The following RNF39 variants were observed in gnomAD, a reference collection of about 807,000 sequenced individuals.
RNF39 encodes ring finger protein 39, also known as LTP (long-term potentiation) induced RING finger protein.
Under a neutral mutation model 29.2 loss-of-function variants are expected in RNF39, and 25 were observed. The ratio of observed to expected loss-of-function variants is 0.86; its 90% confidence interval spans 0.62 to 1.20. RNF39 has a LOEUF of 1.20. Ranked by LOEUF, RNF39 falls within the 50% of genes most tolerant of loss-of-function variation. RNF39 has a pLI of 0.00. For synonymous variants in RNF39, 219 were observed against 229.0 expected (o/e 0.96, Z 0.40); for missense variants, 519 against 515.0 (o/e 1.01, Z -0.08).
At chr6:30,075,181 C>T (rs771412158) in intron 1 of RNF39, 42 bp downstream of exon 1, 2 of 1,523,768 alleles carry the variant, frequency 1.3e-6, no homozygotes, top group East Asian at 5.0e-5. Context: ...CCGGGAACCT[C>T]CCGCTTCCAC....
intron 1 of RNF39, 148 bp from the exon 2 acceptor site, chr6:30,073,626 C>G (rs1214646284): frequency 1.3e-6 from 1 of 772,610 alleles, no homozygotes; most frequent in Admixed American, 2.7e-5. Flanking sequence ...TCTTTACACA[C>G]TGTGCTCCTT....
intron 1 of RNF39, 40 bp downstream of exon 1, chr6:30,075,183 C>G: frequency 6.6e-7 from 1 of 1,526,686 alleles, no homozygotes; most frequent in Non-Finnish European, 8.7e-7. Flanking sequence ...GGGAACCTCC[C>G]GCTTCCACCA....
In RNF39 at chr6:30,071,676, T is replaced by A. The variant is rs1765999589; in HGVS notation, c.494A>T (p.Asp165Val). The change falls in exon 4 of 4, where the codon GAC becomes GTC. Residue 165 changes from aspartate (D) to valine (V), a missense_variant. Transcript: ENST00000244360. This position sits in a 1 kb window ranked among gnomAD's most constrained non-coding sequence, Gnocchi z 5.0. ...CAGGCGGCGGTGTGCGGTCCCAGGG[T>A]CCAGGGTCAGGTCGGCTGGAGACGG... ...LHRLTADLTL[D>V]PGTAHRRLLI... The A allele has an allele frequency of 7.1e-7, 1 of 1,414,226 alleles. No individual in the cohort carries two copies. Among genetic ancestry groups the A allele is most frequent in the African/African-American group, 1.5e-5 (1 of 66,372 alleles). The allele number at this position is 1,414,226 out of a possible 1,614,324, so 87.6% of individuals were successfully genotyped here. A position where few individuals can be genotyped will look rare whatever the true frequency, so the allele number is the denominator to read the frequency against.
intron 1 of RNF39, 74 bp from the exon 2 acceptor site, chr6:30,073,552 C>T (rs1461780753): frequency 6.4e-7 from 1 of 1,553,804 alleles, no homozygotes; most frequent in East Asian, 2.2e-5. Context: ...CTATCTCTCC[C>T]CTCCTCAGGT....
intron 3 of RNF39, 117 bp downstream of exon 3, chr6:30,073,040 G>T: frequency 1.4e-6 from 1 of 735,530 alleles, no homozygotes; most frequent in Non-Finnish European, 2.4e-6. Flanking sequence ...CATTAGAGCA[G>T]TACTAGGAAA....
Position 30,075,370 on chromosome 6 carries a change from GC to G in RNF39, c.215del (p.Arg72ProfsTer4). On this transcript the variant is annotated frameshift_variant, in exon 1 of 4. Transcript: ENST00000244360. LOFTEE classifies it high-confidence loss of function. ...ACPCCGLPCPRRSLRSNVRLA... is the reference protein window; with the variant it reads ...ACPCCGLPCPXRSLRSNVRLA... ...GCCGCACATTAGACCTCAGGCTGCG[GC>G]GGGGACACGGCAGGCCGCAGCAGGG... 1 of 1,575,928 alleles carries G rather than the reference GC, an allele frequency of 6.3e-7. No homozygotes were observed. The highest frequency in any genetic ancestry group is 1.1e-5 in the South Asian group (1 of 87,526).
At chr6:30,073,613 A>C in intron 1 of RNF39, 135 bp from the exon 2 acceptor site, 2 of 826,788 alleles carry the variant, frequency 2.4e-6, no homozygotes, top group Non-Finnish European at 3.9e-6. Flanking sequence ...GAGTGATCTC[A>C]CCTCTTTACA....
Position 30,075,270 on chromosome 6 carries a change from G to C in RNF39, c.316C>G (p.Arg106Gly). ...AEPGARAGRR[R>G]GGRIPTMGCL... ...CCCATGGTGGGGATGCGCCCCCCTC[G>C]GCGTCTCCCCGCACGGGCCCCAGGC... The change falls in exon 1 of 4, where the codon CGA (arginine) becomes GGA (glycine). Residue 106 changes from arginine (R) to glycine (G), a missense_variant. Coordinates refer to ENST00000244360, the MANE Select transcript of RNF39 (RefSeq NM_025236.4). 1 of 1,599,244 alleles carries C rather than the reference G, an allele frequency of 6.3e-7. No homozygotes were observed. Among genetic ancestry groups the C allele is most frequent in the Non-Finnish European group, 8.5e-7 (1 of 1,176,470 alleles).
At position 30,074,692 on chromosome 6, in the gene RNF39, T is replaced by G. The variant is rs1292766984; in HGVS notation, c.363+531A>C. On this transcript the variant is annotated intron_variant, in intron 1 of 3. Coordinates refer to ENST00000244360, the MANE Select transcript of RNF39 (RefSeq NM_025236.4). This position sits in a 1 kb window ranked among gnomAD's most constrained non-coding sequence, Gnocchi z 4.1. ...GTCAGTCCCCTCCTCCCCAGCTTTT[T>G]CTCCGCCCCCAACCCACCAGCCCAG... 6.6e-6 allele frequency among the ~76,000 whole-genome samples: 1 copy of G among 151,734 alleles called. No homozygotes were observed. Among genetic ancestry groups the G allele is most frequent in the African/African-American group, 2.4e-5 (1 of 41,282 alleles).
In RNF39 at chr6:30,070,885, G is replaced by A. The variant is rs527508261; in HGVS notation, c.*226C>T. 1.4e-6 allele frequency: 1 copy of A among 701,050 alleles called. No homozygotes were observed. Among genetic ancestry groups the A allele is most frequent in the East Asian group, 2.7e-5 (1 of 37,114 alleles). 43.4% of individuals were successfully genotyped at this position (701,050 alleles called of 1,614,324 possible). Reference sequence around the variant, plus strand: ...AGTACTGTAGTAGCTGTAGGGGAGAGAAGATTCTGAGAGCCAGAAGGCAGG... The same window carrying A: ...AGTACTGTAGTAGCTGTAGGGGAGAAAAGATTCTGAGAGCCAGAAGGCAGG... On this transcript the variant is annotated 3_prime_UTR_variant, in exon 4 of 4. Transcript: ENST00000244360.
At position 30,072,160 on chromosome 6, in the gene RNF39, C is replaced by T. The variant is rs960628509; in HGVS notation, c.479-469G>A. 1.3e-5 allele frequency among the ~76,000 whole-genome samples: 2 copies of T among 151,986 alleles called. No individual in the cohort carries two copies. Among genetic ancestry groups the T allele is most frequent in the African/African-American group, 4.8e-5 (2 of 41,364 alleles). ...GGAACCTCAAGTAATGGGAGGGGCA[C>T]AGGGAGGAATCCAAGGTATCCTGAG... is the stretch of plus-strand genomic sequence containing the variant. On this transcript the variant is annotated intron_variant, in intron 3 of 3. Coordinates refer to ENST00000244360, the MANE Select transcript of RNF39 (RefSeq NM_025236.4). This position sits in a 1 kb window ranked among gnomAD's most constrained non-coding sequence, Gnocchi z 4.5.
rs1182914030 is a variant in RNF39, at chr6:30,075,466, G to A, written c.120C>T (p.Cys40=). The A allele has an allele frequency of 3.2e-6, 5 of 1,550,368 alleles. No homozygotes were observed. The highest frequency in any genetic ancestry group is 1.4e-5 in the African/African-American group (1 of 73,340). The change falls in exon 1 of 4, where the codon TGC becomes TGT. Residue 40 remains cysteine (C), a synonymous_variant. Coordinates refer to ENST00000244360, the MANE Select transcript of RNF39 (RefSeq NM_025236.4). ...PVLLACEHSF[C]RACLARRWGT... The stretch of plus-strand genomic sequence containing the variant: ...CCCAGCGGCGGGCCAGACACGCGCG[G>A]CAGAAGCTGTGCTCGCACGCCAGAA...
In RNF39 at chr6:30,071,347, G is replaced by T; in HGVS notation, c.823C>A (p.Arg275Ser). Residue 275 changes from arginine (R) to serine (S), a missense_variant, in exon 4 of 4, where the codon CGC becomes AGC. Transcript: ENST00000244360. This position sits in a 1 kb window ranked among gnomAD's most constrained non-coding sequence, Gnocchi z 5.0. The stretch of plus-strand genomic sequence containing the variant: ...TCGGGTGCCGTGAGGGCCCACAGGC[G>T]GCCGCCGCGGCCCTCCACGGCCCAC... ...AVWAVEGRGG[R>S]LWALTAPEPT... 2 of 1,458,208 alleles carry T rather than the reference G, an allele frequency of 1.4e-6. No homozygotes were observed. The highest frequency in any genetic ancestry group is 1.4e-5 in the South Asian group (1 of 69,346). The allele number at this position is 1,458,208 out of a possible 1,614,324, so 90.3% of individuals were successfully genotyped here.
chr6:30,073,747 C>T (rs1037623593), intron 1 of RNF39, among the ~76,000 whole-genome samples: 1 of 152,096 alleles, frequency 6.6e-6, no homozygotes, highest in African/African-American at 2.4e-5. Context: ...TTCCACTCCC[C>T]AAGGGTTCTC....
chr6:30,075,657 C>T lies in RNF39; in HGVS notation c.-72G>A, dbSNP rs755745783. 3 of 1,613,638 alleles carry T rather than the reference C, an allele frequency of 1.9e-6. No individual in the cohort carries two copies. The highest frequency in any genetic ancestry group is 2.7e-5 in the African/African-American group (2 of 74,932). On this transcript the variant is annotated 5_prime_UTR_variant, in exon 1 of 4. Coordinates refer to ENST00000244360, the MANE Select transcript of RNF39 (RefSeq NM_025236.4). ...GCCTTCGAGCGCGCAGATGGCGGGC[C>T]GCCCCTGCTGCTTGCTGTGTAGATG...
In RNF39 at chr6:30,072,221, G is replaced by T; in HGVS notation, c.479-530C>A. ...ACCCACCCACAGGAATTGGGGGGTG[G>T]GGTGGACAGTCCTATTTCTGTAGGG... On this transcript the variant is annotated intron_variant, in intron 3 of 3. Transcript: ENST00000244360. The surrounding 1 kb of genome is among the most constrained non-coding windows in gnomAD (Gnocchi z 4.5). Among the ~76,000 whole-genome samples, 1 of 152,112 alleles carries T rather than the reference G, an allele frequency of 6.6e-6. No homozygotes were observed. Among genetic ancestry groups the T allele is most frequent in the East Asian group, 1.9e-4 (1 of 5,186 alleles).
chr6:30,070,987 G>C lies in RNF39; in HGVS notation c.*124C>G. On this transcript the variant is annotated 3_prime_UTR_variant, in exon 4 of 4. Transcript: ENST00000244360. ...CTCATTATTTTGGGGCGAAAATGTG[G>C]GTTGCTATTAATACTCCTGCAATGG... The C allele has an allele frequency of 1.2e-6, 1 of 849,588 alleles. No homozygotes were observed. The highest frequency in any genetic ancestry group is 2.0e-6 in the Non-Finnish European group (1 of 508,284). The allele number at this position is 849,588 out of a possible 1,614,324, so 52.6% of individuals were successfully genotyped here. A position where few individuals can be genotyped will look rare whatever the true frequency, so the allele number is the denominator to read the frequency against.
In RNF39 at chr6:30,075,746, C is replaced by G; in HGVS notation, c.-161G>C. On this transcript the variant is annotated 5_prime_UTR_variant, in exon 1 of 4. Transcript: ENST00000244360. ...CCGCCCCTCTCCTGGGATTGCCTCT[C>G]TCTTCAACCAGAGTCTCAGTCTCGT... 1.2e-6 allele frequency: 2 copies of G among 1,614,266 alleles called. No individual in the cohort carries two copies. The highest frequency in any genetic ancestry group is 2.2e-5 in the East Asian group (1 of 44,890).
intron 2 of RNF39, 79 bp from the exon 3 acceptor site, chr6:30,073,327 G>C (rs954504664): frequency 6.7e-6 from 10 of 1,498,556 alleles, no homozygotes; most frequent in African/African-American, 1.4e-5. Context: ...CACATCTCTG[G>C]AGGAAGAAGG....
Sources: gnomAD v4.1 joint callset for allele counts (sites outside exome capture counted in the v4.1 genomes callset) on GRCh38, gnomAD v4.1.1 for gene constraint, Gnocchi (gnomAD v3.1) non-coding constraint, MANE v1.5 for transcripts, NCBI Gene and HGNC (gene_info 2026-07-23, HGNC 2026-07-21) for gene names.